Variants in FBXO36 observed in about 807,000 individuals in gnomAD.
FBXO36 encodes the protein F-box protein 36, also known as F-box only protein 36.
Under a neutral mutation model 17.0 loss-of-function variants are expected in FBXO36, and 18 were observed. The ratio of observed to expected loss-of-function variants is 1.06; its 90% CI spans 0.73 to 1.57. FBXO36 has a LOEUF of 1.57. Ranked by LOEUF, FBXO36 falls within the 40% of genes most tolerant of loss-of-function variation. The pLI is 0.00. For missense variants in FBXO36, 229 were observed against 221.9 expected, an observed-to-expected ratio of 1.03 and a Z score of -0.20; for synonymous variants, 83 against 85.3, an observed-to-expected ratio of 0.97 and a Z score of 0.15.
At chr2:229,936,215 C>T (rs2076963125) in intron 1 of FBXO36, among the ~76,000 whole-genome samples, 1 of 151,932 alleles carries the variant, frequency 6.6e-6, no homozygotes, top group East Asian at 1.9e-4. Context: ...AAAAAACTAA[C>T]TCATCCCCTC....
At chr2:229,931,576 C>T (rs778617435) in intron 1 of FBXO36, among the ~76,000 whole-genome samples, 1 of 152,322 alleles carries the variant, frequency 6.6e-6, no homozygotes, top group African/African-American at 2.4e-5. Context: ...CATGTTGGCT[C>T]ACACCTGTAA....
intron 1 of FBXO36, among the ~76,000 whole-genome samples, chr2:229,946,172 G>T (rs1402622848): frequency 6.6e-6 from 1 of 152,144 alleles, no homozygotes; most frequent in Non-Finnish European, 1.5e-5. Context: ...ACTTCCATGG[G>T]ACATGTATGA....
chr2:229,922,686 T>C, intron 1 of FBXO36, 77 bp downstream of exon 1: 1 of 1,489,700 alleles, frequency 6.7e-7, no homozygotes, highest in African/African-American at 1.4e-5. Flanking sequence ...CAGGCTGTGC[T>C]AGGCCAAGAG....
intron 1 of FBXO36, among the ~76,000 whole-genome samples, chr2:229,944,269 G>A (rs1346194414): frequency 6.6e-6 from 1 of 152,150 alleles, no homozygotes; most frequent in Non-Finnish European, 1.5e-5. Flanking sequence ...TTGAGGAATT[G>A]AAATGAAACC....
chr2:229,999,293 A>G (rs1225813255), intron 3 of FBXO36, among the ~76,000 whole-genome samples: 1 of 149,002 alleles, frequency 6.7e-6, no homozygotes, highest in Non-Finnish European at 1.5e-5. Context: ...TGCCCAGCTA[A>G]TTTTTATATT....
chr2:229,987,125 C>T (rs1266345566), intron 2 of FBXO36, among the ~76,000 whole-genome samples: 2 of 150,366 alleles, frequency 1.3e-5, no homozygotes, highest in African/African-American at 4.9e-5. Flanking sequence ...GAGGCTGAGT[C>T]GTTTGAACCC....
At chr2:229,957,437 C>T (rs1318438823) in intron 1 of FBXO36, among the ~76,000 whole-genome samples, 1 of 152,076 alleles carries the variant, frequency 6.6e-6, no homozygotes, top group South Asian at 2.1e-4. Flanking sequence ...ATTAGCTTGG[C>T]GTGGTGGCGG....
At chr2:230,008,685 ATGGGATAGTAAT>A (rs2077399997) in intron 3 of FBXO36, among the ~76,000 whole-genome samples, 1 of 152,224 alleles carries the variant, frequency 6.6e-6, no homozygotes, top group Non-Finnish European at 1.5e-5. Context: ...TGTGCTAGTA[ATGGGATAGTAAT>A]CCACATTGGT....
intron 3 of FBXO36, among the ~76,000 whole-genome samples, chr2:230,006,970 C>T (rs2077390088): frequency 6.6e-6 from 1 of 152,260 alleles, no homozygotes; most frequent in Non-Finnish European, 1.5e-5. Flanking sequence ...CAATCAGGAT[C>T]ATCCAGCTTT....
At chr2:230,007,051 G>A (rs917030334) in intron 3 of FBXO36, among the ~76,000 whole-genome samples, 1 of 152,240 alleles carries the variant, frequency 6.6e-6, no homozygotes, top group South Asian at 2.1e-4. Flanking sequence ...TGAGCAACCA[G>A]CATACTGGAA....
chr2:229,994,579 G>C (rs930466261), intron 2 of FBXO36, among the ~76,000 whole-genome samples: 1 of 152,204 alleles, frequency 6.6e-6, no homozygotes, highest in Admixed American at 6.5e-5. Flanking sequence ...GCCCTTGACA[G>C]CTCTGTCCTA....
chr2:229,964,058 TC>T (rs1006081711), intron 1 of FBXO36, among the ~76,000 whole-genome samples: 1 of 152,174 alleles, frequency 6.6e-6, no homozygotes, highest in Non-Finnish European at 1.5e-5. Context: ...ATTTTTTTTT[TC>T]CCTGTGAACT....
At position 229,960,575 on chromosome 2, in the gene FBXO36, C is replaced by T. The variant is rs146708727; in HGVS notation, c.97-15666C>T. On this transcript the variant is annotated intron_variant, in intron 1 of 3. Coordinates refer to ENST00000283946, the MANE Select transcript of FBXO36 (RefSeq NM_174899.5). ...GTGCCGTCATAGCTCACTGCAGCCT[C>T]GAACACCTGAGCTCAAGCAATCCTC... 5.9e-4 allele frequency among the ~76,000 whole-genome samples: 90 copies of T among 152,214 alleles called. 1 individual carries two copies. Among genetic ancestry groups the T allele is most frequent in the African/African-American group, 1.8e-3 (73 of 41,542 alleles).
chr2:229,974,036 C>G, intron 1 of FBXO36, among the ~76,000 whole-genome samples: 1 of 152,210 alleles, frequency 6.6e-6, no homozygotes. Context: ...GGTGACAGAA[C>G]AAGACCCCGT....
At chr2:229,953,031 T>C (rs1340976111) in intron 1 of FBXO36, among the ~76,000 whole-genome samples, 2 of 152,176 alleles carry the variant, frequency 1.3e-5, no homozygotes, top group African/African-American at 4.8e-5. Context: ...GCCATGTGCA[T>C]GTATTGCCTA....
At chr2:229,987,466 A>C (rs932005542) in intron 2 of FBXO36, among the ~76,000 whole-genome samples, 8 of 151,838 alleles carry the variant, frequency 5.3e-5, no homozygotes, top group African/African-American at 1.7e-4. Context: ...AACTTTTTTC[A>C]TAGAACTAAC....
intron 2 of FBXO36, among the ~76,000 whole-genome samples, chr2:229,990,277 A>T (rs2077291955): frequency 6.7e-6 from 1 of 149,674 alleles, no homozygotes; most frequent in South Asian, 2.1e-4. Context: ...CACACACTTT[A>T]TATATATACA....
intron 2 of FBXO36, among the ~76,000 whole-genome samples, chr2:229,988,147 CT>C (rs894236795): frequency 1.3e-5 from 2 of 152,066 alleles, no homozygotes; most frequent in Admixed American, 1.3e-4. Flanking sequence ...TTCTTAGTTA[CT>C]TTTTTTGTTC....
intron 1 of FBXO36, among the ~76,000 whole-genome samples, chr2:229,948,506 T>C (rs894664097): frequency 4.0e-5 from 5 of 123,776 alleles, no homozygotes; most frequent in Non-Finnish European, 8.3e-5. Context: ...AGCCGAACAC[T>C]TGGGCTTTAG....
Sources: gnomAD v4.1 joint callset for allele counts (sites outside exome capture counted in the v4.1 genomes callset) on GRCh38, gnomAD v4.1.1 for gene constraint, MANE v1.5 for transcripts, NCBI Gene and HGNC (gene_info 2026-07-23, HGNC 2026-07-21) for gene names.